Variants in KAZN observed in about 807,000 individuals in gnomAD.
KAZN encodes the protein kazrin.
A neutral mutation model predicts 87.4 loss-of-function variants in KAZN; 40 were observed. The ratio of observed to expected loss-of-function variants is 0.46; its 90% CI spans 0.36 to 0.60. The LOEUF is 0.60. KAZN is among the 20% of genes least tolerant of loss of function. KAZN has a pLI of 0.00. For missense variants in KAZN, 898 were observed against 1,073.9 expected (o/e 0.84, Z 2.29); for synonymous variants, 466 against 458.3 (o/e 1.02, Z -0.22).
chr1:14,584,259 C>T (rs975829823), intron 2 of KAZN, among the ~76,000 whole-genome samples: 11 of 152,156 alleles, frequency 7.2e-5, no homozygotes, highest in Non-Finnish European at 1.5e-4. Context: ...AGGGATAGGC[C>T]CAGTTGTCCA....
chr1:14,321,449 A>G lies in KAZN; in HGVS notation c.249+140857A>G, dbSNP rs565684688. The stretch of plus-strand genomic sequence containing the variant: ...TTGAATAGCTCTCACTTAAAGTATA[A>G]CATTGAGGGTATTTAATTACAGAGG... On this transcript the variant is annotated intron_variant, in intron 2 of 16. Coordinates refer to the KAZN transcript ENST00000636203. Among the ~76,000 whole-genome samples, 27 of 152,316 alleles carry G rather than the reference A, an allele frequency of 1.8e-4. 1 individual carries two copies. Among genetic ancestry groups the G allele is most frequent in the African/African-American group, 6.5e-4 (27 of 41,580 alleles).
At chr1:14,626,101 G>A (rs1186695006) in intron 1 of KAZN, among the ~76,000 whole-genome samples, 4 of 152,166 alleles carry the variant, frequency 2.6e-5, no homozygotes, top group East Asian at 3.8e-4. Flanking sequence ...GTGGGGCTGC[G>A]GAATTCTGGC....
intron 1 of KAZN, among the ~76,000 whole-genome samples, chr1:14,639,970 C>T (rs1007186317): frequency 1.3e-5 from 2 of 152,156 alleles, no homozygotes; most frequent in Non-Finnish European, 1.5e-5. Context: ...AGGACTTCTC[C>T]CTGCGGCATG....
At chr1:14,326,866 C>T (rs1275445506) in intron 2 of KAZN, among the ~76,000 whole-genome samples, 1 of 151,932 alleles carries the variant, frequency 6.6e-6, no homozygotes, top group Non-Finnish European at 1.5e-5. Context: ...ATCCCACATA[C>T]AATAGTAATC....
chr1:14,622,604 T>C (rs1222457543), intron 1 of KAZN, among the ~76,000 whole-genome samples: 1 of 147,510 alleles, frequency 6.8e-6, no homozygotes, highest in East Asian at 2.0e-4. Context: ...GGCAGGAGAA[T>C]GGCATGAACC....
intron 1 of KAZN, among the ~76,000 whole-genome samples, chr1:14,942,852 T>C (rs1369146274): frequency 6.6e-6 from 1 of 152,102 alleles, no homozygotes; most frequent in Admixed American, 6.5e-5. Context: ...AGAGATTTCC[T>C]TGTCTGGGTT....
chr1:14,942,652 T>C (rs558232944), intron 1 of KAZN, among the ~76,000 whole-genome samples: 2 of 152,302 alleles, frequency 1.3e-5, no homozygotes, highest in East Asian at 3.9e-4. Flanking sequence ...GCCAGGAGAC[T>C]GTAGTCCTAG....
chr1:14,343,451 A>G (rs1460942701), intron 2 of KAZN, among the ~76,000 whole-genome samples: 1 of 152,178 alleles, frequency 6.6e-6, no homozygotes, highest in Non-Finnish European at 1.5e-5. Flanking sequence ...AGAGCTATGC[A>G]GTGGAAGGTC....
intron 2 of KAZN, among the ~76,000 whole-genome samples, chr1:14,491,134 C>G (rs1234310880): frequency 6.6e-6 from 1 of 152,138 alleles, no homozygotes; most frequent in Non-Finnish European, 1.5e-5. Flanking sequence ...ATGTTTATTC[C>G]TAGGTGTCCT....
intron 2 of KAZN, among the ~76,000 whole-genome samples, chr1:14,466,749 A>G (rs1051013806): frequency 8.5e-5 from 13 of 152,126 alleles, no homozygotes; most frequent in African/African-American, 2.7e-4. Context: ...TGGGCAGATC[A>G]CGAAGTCAGG....
intron 2 of KAZN, among the ~76,000 whole-genome samples, chr1:14,200,018 C>T (rs1384612371): frequency 2.0e-5 from 3 of 152,042 alleles, no homozygotes; most frequent in Non-Finnish European, 2.9e-5. Context: ...TCATTTGTAT[C>T]ACAGATAAAA....
chr1:14,117,482 A>C (rs549952148), intron 1 of KAZN, among the ~76,000 whole-genome samples: 1 of 152,086 alleles, frequency 6.6e-6, no homozygotes, highest in African/African-American at 2.4e-5. Flanking sequence ...AGTTCATTAA[A>C]ACCTCTTTTT....
chr1:14,771,922 A>G (rs375563183), intron 1 of KAZN, among the ~76,000 whole-genome samples: 2 of 152,196 alleles, frequency 1.3e-5, no homozygotes, highest in East Asian at 1.9e-4. Context: ...GAGATCAAGG[A>G]TATGAAATTG....
At chr1:14,188,786 G>A (rs72865713) in intron 2 of KAZN, among the ~76,000 whole-genome samples, 1,858 of 152,234 alleles carry the variant, frequency 0.012, 41 homozygotes, top group African/African-American at 0.041. Flanking sequence ...ACAAAATTAG[G>A]AAAGTAATTT....
chr1:14,050,742 GCT>G (rs1477563445), intron 1 of KAZN, among the ~76,000 whole-genome samples: 3 of 152,134 alleles, frequency 2.0e-5, no homozygotes, highest in Non-Finnish European at 4.4e-5. Context: ...CCCCCATTGA[GCT>G]CTCAGCCAGC....
intron 1 of KAZN, among the ~76,000 whole-genome samples, chr1:14,905,844 A>AT (rs1162942689): frequency 8.6e-6 from 1 of 115,686 alleles, no homozygotes; most frequent in Non-Finnish European, 1.7e-5. Context: ...CTCCGTCTCA[A>AT]AAATAATAAT....
chr1:15,094,984 G>T lies in KAZN; in HGVS notation c.1547+51G>T. On this transcript the variant is annotated intron_variant, in intron 10 of 14. Transcript: ENST00000376030. The surrounding 1 kb of genome is among the most constrained non-coding windows in gnomAD (Gnocchi z 4.5). The stretch of plus-strand genomic sequence containing the variant: ...GGGAGGAGAGAAAAAGTCATCCTGA[G>T]GCCTTTGGTCACACAGGTGGGGTGA... 7.5e-7 allele frequency: 1 copy of T among 1,330,492 alleles called. No homozygotes were observed. 82.4% of individuals were successfully genotyped at this position (1,330,492 alleles called of 1,614,324 possible). A position where few individuals can be genotyped will look rare whatever the true frequency, so the allele number is the denominator to read the frequency against.
intron 2 of KAZN, among the ~76,000 whole-genome samples, chr1:15,026,632 A>G (rs1055744548): frequency 2.0e-5 from 3 of 152,082 alleles, no homozygotes; most frequent in African/African-American, 4.8e-5. Flanking sequence ...AAGACCAGAT[A>G]GCTTGTCCCT....
chr1:14,037,315 C>T (rs1026821285), intron 1 of KAZN, among the ~76,000 whole-genome samples: 24 of 152,180 alleles, frequency 1.6e-4, no homozygotes, highest in African/African-American at 3.6e-4. Flanking sequence ...CTGCCCTCTC[C>T]GTTTGCCCTT....
Sources: allele counts gnomAD v4.1 joint callset (sites outside exome capture counted in the v4.1 genomes callset), GRCh38; gene constraint gnomAD v4.1.1; non-coding constraint Gnocchi (gnomAD v3.1); transcripts MANE v1.5; gene names NCBI Gene and HGNC (gene_info 2026-07-23, HGNC 2026-07-21).